The following SYN1 variants were observed in gnomAD, a reference collection of about 807,000 sequenced individuals.
The protein encoded by SYN1 is synapsin I, also known as synapsin-1.
In SYN1, 8 loss-of-function variants were observed where a neutral mutation model predicts 44.6. The observed-to-expected ratio is 0.18, with a 90% CI of 0.11 to 0.32. SYN1 has a LOEUF of 0.32. Ranked by LOEUF, SYN1 falls within the 10% of genes least tolerant of loss-of-function variation. SYN1 has a pLI of 1.00. For missense variants in SYN1, 451 were observed against 639.4 expected (o/e 0.71, Z 3.18); for synonymous variants, 275 against 280.1 (o/e 0.98, Z 0.18).
At chrX:47,585,426 C>A in intron 5 of SYN1, 1 of 1,195,973 alleles carries the variant, frequency 8.4e-7, no homozygotes, top group Non-Finnish European at 1.1e-6. Context: ...GGGAATGGTC[C>A]CACTGGAAAT....
intron 1 of SYN1, among the ~76,000 whole-genome samples, chrX:47,612,989 C>T (rs867805744): frequency 3.5e-4 from 39 of 110,014 alleles, no homozygotes; most frequent in African/African-American, 1.1e-3. Flanking sequence ...AAAAATTAGC[C>T]GGGCGTGGTG....
intron 1 of SYN1, among the ~76,000 whole-genome samples, chrX:47,618,585 G>C (rs768755902): frequency 9.9e-5 from 11 of 111,131 alleles, no homozygotes; most frequent in Middle Eastern, 4.6e-3. Flanking sequence ...AAGGGGTTTG[G>C]GGGTGCGGCA....
intron 6 of SYN1, 152 bp downstream of exon 6, chrX:47,577,287 G>T: frequency 1.1e-5 from 6 of 552,116 alleles, no homozygotes; most frequent in Admixed American, 2.9e-5. Context: ...AAAAGTAATT[G>T]TGGTTTTTAC....
chrX:47,613,125 C>T (rs756627136), intron 1 of SYN1, among the ~76,000 whole-genome samples: 94 of 86,952 alleles, frequency 1.1e-3, no homozygotes, highest in Admixed American at 1.8e-3. Context: ...AGCGAGACTC[C>T]GTCTCCAAAA....
chrX:47,588,645 AG>A (rs1177272263), intron 5 of SYN1, among the ~76,000 whole-genome samples: 1 of 112,338 alleles, frequency 8.9e-6, no homozygotes, highest in East Asian at 2.8e-4. Flanking sequence ...AGCTCCTGGC[AG>A]GATCTGTAAC....
rs771394018 is a variant in SYN1 at position 47,577,419 on chromosome X, C to T, written c.837+20G>A. ...GCACAAATACACATCTACCTATGCA[C>T]AGCCCAGCCAGAGACTCACCTTGCC... On this transcript the variant is annotated intron_variant, in intron 6 of 12. Transcript: ENST00000295987. 5.8e-6 allele frequency: 7 copies of T among 1,202,572 alleles called. No homozygotes were observed. Among genetic ancestry groups the T allele is most frequent in the Non-Finnish European group, 7.9e-6 (7 of 889,920 alleles).
chrX:47,592,918 A>G (rs1029506880), intron 5 of SYN1, among the ~76,000 whole-genome samples: 1 of 111,598 alleles, frequency 9.0e-6, no homozygotes, highest in Non-Finnish European at 1.9e-5. Context: ...TCTGTCACCC[A>G]GGCTGGAGTG....
chrX:47,610,318 C>T (rs1352113824), intron 1 of SYN1, among the ~76,000 whole-genome samples: 2 of 110,542 alleles, frequency 1.8e-5, no homozygotes, highest in South Asian at 7.6e-4. Context: ...ACACCTTGAA[C>T]TTACAGACTC....
At chrX:47,593,173 T>C (rs2057853520) in intron 5 of SYN1, among the ~76,000 whole-genome samples, 1 of 110,203 alleles carries the variant, frequency 9.1e-6, no homozygotes, top group Non-Finnish European at 1.9e-5. Flanking sequence ...GGGATTACGA[T>C]GTAAGCCACC....
intron 1 of SYN1, among the ~76,000 whole-genome samples, chrX:47,614,156 G>A (rs903147129): frequency 2.4e-4 from 27 of 111,969 alleles, no homozygotes; most frequent in African/African-American, 8.8e-4. Context: ...CCATTGTCTT[G>A]GCAGGGGACG....
chrX:47,586,565 T>C, intron 5 of SYN1: 1 of 1,212,095 alleles, frequency 8.3e-7, no homozygotes, highest in Middle Eastern at 2.3e-4. Context: ...AGAGTGGCAC[T>C]CATTGCTTGT....
intron 5 of SYN1, among the ~76,000 whole-genome samples, chrX:47,590,565 G>T (rs1023591055): frequency 8.9e-6 from 1 of 112,348 alleles, no homozygotes; most frequent in South Asian, 3.7e-4. Flanking sequence ...ACTGGTCCTT[G>T]GGACATGGCC....
chrX:47,614,627 T>C (rs1039145381), intron 1 of SYN1, among the ~76,000 whole-genome samples: 14 of 111,522 alleles, frequency 1.3e-4, no homozygotes, highest in East Asian at 2.8e-4. Context: ...GTGCAAGGTG[T>C]GGACTATATG....
Position 47,605,343 on chromosome X carries a change from G to A in SYN1, c.564C>T (p.His188=), listed in dbSNP as rs768956462. 20 of 1,209,707 alleles carry A rather than the reference G, an allele frequency of 1.7e-5. No individual in the cohort carries two copies. Among genetic ancestry groups the A allele is most frequent in the African/African-American group, 1.2e-4 (7 of 57,228 alleles). ...CTCCGTTGCGTGCCATGCTGAAGGC[G>A]TGCTGGCGGATCAGCACAAAATCCG... ...LKPDFVLIRQ[H]AFSMARNGDY... is the part of the protein sequence containing the mutation. Residue 188 remains histidine (H), a synonymous_variant, in exon 4 of 13, where the codon CAC becomes CAT. Coordinates refer to ENST00000295987, the MANE Select transcript of SYN1 (RefSeq NM_006950.3).
chrX:47,607,305 A>C, intron 1 of SYN1, 107 bp from the exon 2 acceptor site: 1 of 649,336 alleles, frequency 1.5e-6, no homozygotes, highest in Non-Finnish European at 2.4e-6. Context: ...AGAAACCACA[A>C]AGTGCCTTAT....
chrX:47,596,841 G>A lies in SYN1; in HGVS notation c.774+8137C>T, dbSNP rs139676635. 4.4e-3 allele frequency among the ~76,000 whole-genome samples: 495 copies of A among 111,842 alleles called. 1 individual carries two copies. The highest frequency in any genetic ancestry group is 0.015 in the African/African-American group (470 of 30,829). ...GATGCAAAGAAACAAAATTAAGTGT[G>A]GCCCAAACACAGGGAAAAAAGCAGT... On this transcript the variant is annotated intron_variant, in intron 5 of 12. Coordinates refer to ENST00000295987, the MANE Select transcript of SYN1 (RefSeq NM_006950.3).
chrX:47,596,295 C>A (rs1331024704), intron 5 of SYN1, among the ~76,000 whole-genome samples: 1 of 112,663 alleles, frequency 8.9e-6, no homozygotes, highest in Non-Finnish European at 1.9e-5. Context: ...TAGGAAAAAA[C>A]AACAAGCTTT....
In SYN1 at chrX:47,610,500, A is replaced by G. The variant is rs1042643366; in HGVS notation, c.378-3302T>C. On this transcript the variant is annotated intron_variant, in intron 1 of 12. Transcript: ENST00000295987. ...CCTCCTGGAAACCAGACCAAAAATT[A>G]GGGTGAAATCCTAGTGAAACCTGAC... 3.9e-5 allele frequency among the ~76,000 whole-genome samples: 4 copies of G among 102,197 alleles called. No homozygotes were observed. The South Asian group carries it at 2.2e-3, about 55-fold the overall frequency. The allele number at this position is 102,197 out of a possible 115,157, so 88.7% of individuals were successfully genotyped here.
chrX:47,577,932 G>A (rs2057783335), intron 5 of SYN1, among the ~76,000 whole-genome samples: 1 of 110,518 alleles, frequency 9.0e-6, no homozygotes, highest in Non-Finnish European at 1.9e-5. Flanking sequence ...GCCAAACCTT[G>A]TATGTAAGCC....
Sources: gnomAD v4.1 joint callset for allele counts (sites outside exome capture counted in the v4.1 genomes callset) on GRCh38, gnomAD v4.1.1 for gene constraint, MANE v1.5 for transcripts, NCBI Gene and HGNC (gene_info 2026-07-23, HGNC 2026-07-21) for gene names.